TMEM135: variants seen among roughly 807,000 people sequenced by gnomAD.
The protein encoded by TMEM135 is peroxisomal membrane protein 52.
TMEM135 carries 30 observed loss-of-function variants against 60.3 expected under a neutral mutation model. The observed-to-expected ratio is 0.50, with a 90% CI of 0.37 to 0.68. The LOEUF (loss-of-function observed/expected upper bound fraction) is 0.68. TMEM135 is among the 30% of genes least tolerant of loss of function. The pLI, the probability that TMEM135 is intolerant of heterozygous loss-of-function variation, is 0.00. For missense variants in TMEM135, 468 were observed against 548.8 expected (o/e 0.85, Z 1.47); for synonymous variants, 190 against 186.7 (o/e 1.02, Z -0.14).
chr11:87,157,255 G>GT (rs1938725490), intron 4 of TMEM135, 86 bp from the exon 5 acceptor site: 1 of 1,252,344 alleles, frequency 8.0e-7, no homozygotes, highest in Non-Finnish European at 1.2e-6. Flanking sequence ...AGTATTGAAT[G>GT]TTTTTCACAT....
intron 5 of TMEM135, among the ~76,000 whole-genome samples, chr11:87,160,435 A>G (rs886775078): frequency 6.6e-6 from 1 of 152,214 alleles, no homozygotes; most frequent in African/African-American, 2.4e-5. Flanking sequence ...TGGTCATCTT[A>G]TAGATGAACT....
At chr11:87,059,696 T>C (rs569922171) in intron 1 of TMEM135, among the ~76,000 whole-genome samples, 1 of 152,190 alleles carries the variant, frequency 6.6e-6, no homozygotes, top group African/African-American at 2.4e-5. Flanking sequence ...CAAGAAGGAA[T>C]TGGGGTTGAA....
chr11:87,184,919 T>C (rs1939612778), intron 5 of TMEM135, among the ~76,000 whole-genome samples: 2 of 152,174 alleles, frequency 1.3e-5, no homozygotes, highest in Admixed American at 1.3e-4. Context: ...CTTTGTATAT[T>C]ATAAAATGAT....
intron 5 of TMEM135, among the ~76,000 whole-genome samples, chr11:87,233,335 T>C (rs1484025765): frequency 6.6e-6 from 1 of 151,944 alleles, no homozygotes; most frequent in African/African-American, 2.4e-5. Context: ...GATTTTCTGA[T>C]AGAATAAAAA....
chr11:87,287,222 T>G (rs1047805576), intron 6 of TMEM135, among the ~76,000 whole-genome samples: 1 of 152,206 alleles, frequency 6.6e-6, no homozygotes, highest in Non-Finnish European at 1.5e-5. Context: ...TACCTTTGCA[T>G]TCTTCAAGTG....
chr11:87,152,806 C>T (rs1938590355), intron 4 of TMEM135, among the ~76,000 whole-genome samples: 1 of 152,116 alleles, frequency 6.6e-6, no homozygotes, highest in South Asian at 2.1e-4. Context: ...GTTGTTATTT[C>T]CTATTATTCT....
In TMEM135 at chr11:87,116,630, T is replaced by TAC. The variant is rs869034979; in HGVS notation, c.396+25251_396+25252dup. 3.1e-3 allele frequency among the ~76,000 whole-genome samples: 283 copies of TAC among 90,784 alleles called. 1 individual carries two copies. Among genetic ancestry groups the TAC allele is most frequent in the African/African-American group, 9.3e-3 (248 of 26,608 alleles). The allele number at this position is 90,784 out of a possible 152,430, so 59.6% of individuals were successfully genotyped here. On this transcript the variant is annotated intron_variant, in intron 4 of 14. Coordinates refer to ENST00000305494, the MANE Select transcript of TMEM135 (RefSeq NM_022918.4). ...ATATGTACAAACACACACACACACA[T>TAC]ACACACACACACACACAGACACACA...
chr11:87,043,722 AAAACAAACAAAC>A (rs144953900), intron 1 of TMEM135, among the ~76,000 whole-genome samples: 2 of 151,818 alleles, frequency 1.3e-5, no homozygotes, highest in African/African-American at 2.4e-5. Flanking sequence ...ACTCTGTCTC[AAAACAAACAAAC>A]AAACAAACAA....
chr11:87,144,047 C>A (rs375213373), intron 4 of TMEM135, among the ~76,000 whole-genome samples: 1 of 151,794 alleles, frequency 6.6e-6, no homozygotes. Flanking sequence ...TTTACCTCAC[C>A]ATTATTAGAT....
intron 5 of TMEM135, among the ~76,000 whole-genome samples, chr11:87,184,806 A>T (rs924504450): frequency 2.0e-5 from 3 of 152,198 alleles, no homozygotes; most frequent in African/African-American, 7.2e-5. Flanking sequence ...ATTTATAAGA[A>T]TTTAATGTAC....
At chr11:87,109,424 T>C (rs560777562) in intron 4 of TMEM135, among the ~76,000 whole-genome samples, 53 of 152,322 alleles carry the variant, frequency 3.5e-4, no homozygotes, top group African/African-American at 1.2e-3. Flanking sequence ...ATAAAAGTTA[T>C]GTGAATGTGG....
rs985270350 is a variant in TMEM135, at chr11:87,327,899, C to T, written c.*6566C>T. Reference sequence around the variant, plus strand: ...AGAGAGAAGCCAATTCTCCTTTCTTCTGTTTTTATTCTACCCAGGCCTCCA... The same window carrying T: ...AGAGAGAAGCCAATTCTCCTTTCTTTTGTTTTTATTCTACCCAGGCCTCCA... On this transcript the variant is annotated 3_prime_UTR_variant, in exon 15 of 15. Coordinates refer to ENST00000305494, the MANE Select transcript of TMEM135 (RefSeq NM_022918.4). 2.9e-5 allele frequency: 13 copies of T among 454,024 alleles called. No homozygotes were observed. The highest frequency in any genetic ancestry group is 7.0e-5 in the Admixed American group (3 of 42,564). The allele number at this position is 454,024 out of a possible 1,614,324, so 28.1% of individuals were successfully genotyped here. A position where few individuals can be genotyped will look rare whatever the true frequency, so the allele number is the denominator to read the frequency against.
intron 7 of TMEM135, among the ~76,000 whole-genome samples, chr11:87,298,092 T>G (rs1027126873): frequency 6.6e-6 from 1 of 152,250 alleles, no homozygotes; most frequent in African/African-American, 2.4e-5. Flanking sequence ...TCTTTCCTGC[T>G]ACCTCTTTGC....
At chr11:87,282,750 CAGTT>C (rs773973950) in intron 6 of TMEM135, among the ~76,000 whole-genome samples, 41 of 152,332 alleles carry the variant, frequency 2.7e-4, no homozygotes, top group South Asian at 6.2e-4. Flanking sequence ...CAGGTACAGA[CAGTT>C]AGGTGATTGG....
intron 5 of TMEM135, among the ~76,000 whole-genome samples, chr11:87,175,134 TATA>T (rs536954511): frequency 2.2e-4 from 34 of 152,262 alleles, no homozygotes; most frequent in African/African-American, 7.7e-4. Context: ...CTGGACTAAT[TATA>T]ATAATATCTT....
At chr11:87,207,258 C>T (rs1210199919) in intron 5 of TMEM135, among the ~76,000 whole-genome samples, 1 of 152,128 alleles carries the variant, frequency 6.6e-6, no homozygotes, top group Admixed American at 6.5e-5. Flanking sequence ...AAAGTGGCAA[C>T]AAGGATAAAC....
intron 4 of TMEM135, among the ~76,000 whole-genome samples, chr11:87,121,860 G>C (rs868628511): frequency 5.9e-5 from 9 of 151,936 alleles, no homozygotes; most frequent in Admixed American, 2.6e-4. Context: ...GGGTGGTCTC[G>C]AACTCCTGAC....
chr11:87,328,808 A>C lies in TMEM135; in HGVS notation c.*7475A>C. 1 of 454,124 alleles carries C rather than the reference A, an allele frequency of 2.2e-6. No homozygotes were observed. Among genetic ancestry groups the C allele is most frequent in the Admixed American group, 2.3e-5 (1 of 42,572 alleles). 28.1% of individuals were successfully genotyped at this position (454,124 alleles called of 1,614,324 possible). ...ATTGTGAACTGTGTTAACAATAAAA[A>C]TATATATACGAGTGTCTTTTATGGT... On this transcript the variant is annotated 3_prime_UTR_variant, in exon 15 of 15. Coordinates refer to ENST00000305494, the MANE Select transcript of TMEM135 (RefSeq NM_022918.4).
intron 4 of TMEM135, among the ~76,000 whole-genome samples, chr11:87,106,018 A>G (rs1336768558): frequency 2.0e-5 from 3 of 152,048 alleles, no homozygotes; most frequent in Non-Finnish European, 2.9e-5. Flanking sequence ...GAGTGAGAAT[A>G]TGTGATGTTT....
Sources: allele counts gnomAD v4.1 joint callset (sites outside exome capture counted in the v4.1 genomes callset), GRCh38; gene constraint gnomAD v4.1.1; transcripts MANE v1.5; gene names NCBI Gene and HGNC (gene_info 2026-07-23, HGNC 2026-07-21).